RANBP17: variants seen among roughly 807,000 people sequenced by gnomAD.
RANBP17 encodes RAN binding protein 17.
In RANBP17, 158 loss-of-function variants were observed where a neutral mutation model predicts 141.2. The ratio of observed to expected loss-of-function variants is 1.12; its 90% confidence interval spans 0.98 to 1.28. The LOEUF is 1.28. Ranked by LOEUF, RANBP17 falls within the 50% of genes most tolerant of loss-of-function variation. The pLI is 0.00. For synonymous variants in RANBP17, 430 were observed against 450.0 expected (o/e 0.96, Z 0.56); for missense variants, 1,438 against 1,290.7 (o/e 1.11, Z -1.75).
chr5:171,241,991 T>C (rs1355498202), intron 23 of RANBP17, among the ~76,000 whole-genome samples: 3 of 151,890 alleles, frequency 2.0e-5, no homozygotes. Flanking sequence ...TTCTCTTTTT[T>C]TCTTTTTTTT....
intron 13 of RANBP17, among the ~76,000 whole-genome samples, chr5:170,962,459 CAG>C (rs1776222602): frequency 6.6e-6 from 1 of 152,164 alleles, no homozygotes; most frequent in Admixed American, 6.5e-5. Context: ...AAAATCAACA[CAG>C]AACTTGAGTA....
At chr5:171,140,695 A>G (rs1035630792) in intron 14 of RANBP17, among the ~76,000 whole-genome samples, 2 of 152,204 alleles carry the variant, frequency 1.3e-5, no homozygotes, top group African/African-American at 4.8e-5. Flanking sequence ...GGAAACTTTT[A>G]TTGTGGTGGT....
chr5:171,233,318 C>T (rs910131925), intron 22 of RANBP17, among the ~76,000 whole-genome samples: 6 of 152,158 alleles, frequency 3.9e-5, no homozygotes, highest in Non-Finnish European at 7.3e-5. Context: ...TGCAGAATGG[C>T]GCAGCCACTT....
intron 14 of RANBP17, among the ~76,000 whole-genome samples, chr5:171,122,328 C>A (rs1345764558): frequency 6.6e-6 from 1 of 152,178 alleles, no homozygotes; most frequent in African/African-American, 2.4e-5. Flanking sequence ...AGTCAGCTAT[C>A]TTGCTGACAT....
At chr5:171,162,228 A>C (rs1324151423) in intron 14 of RANBP17, among the ~76,000 whole-genome samples, 1 of 152,174 alleles carries the variant, frequency 6.6e-6, no homozygotes, top group Non-Finnish European at 1.5e-5. Context: ...TTGGCCCCAG[A>C]CATGGAGTGA....
At chr5:171,296,186 C>T (rs1413794957) in intron 27 of RANBP17, among the ~76,000 whole-genome samples, 172 bp downstream of exon 27, 1 of 152,112 alleles carries the variant, frequency 6.6e-6, no homozygotes, top group Non-Finnish European at 1.5e-5. Flanking sequence ...TATTTGCTTT[C>T]CTCCAGGCGT....
chr5:171,272,637 C>T (rs1237717887), intron 25 of RANBP17, among the ~76,000 whole-genome samples: 2 of 152,138 alleles, frequency 1.3e-5, no homozygotes, highest in Admixed American at 1.3e-4. Flanking sequence ...TATCTCTGTT[C>T]CTTTGTTTAG....
In RANBP17 at chr5:170,909,756, T is replaced by G. The variant is rs778624427; in HGVS notation, c.585T>G (p.Leu195=). Residue 195 remains leucine (L), a synonymous_variant, in exon 6 of 28, where the codon CTT becomes CTG. Coordinates refer to ENST00000523189, the MANE Select transcript of RANBP17 (RefSeq NM_022897.5). ...LKDVLVLACS[L]LKEVFAKPLN... ...ACGTTTTAGTGCTAGCATGCTCTCT[T>G]TTAAAAGAGGTAAGTTATTTGATAA... is the stretch of plus-strand genomic sequence containing the variant. 6.7e-7 allele frequency: 1 copy of G among 1,485,330 alleles called. No individual in the cohort carries two copies. Among genetic ancestry groups the G allele is most frequent in the Admixed American group, 1.7e-5 (1 of 59,076 alleles). The allele number at this position is 1,485,330 out of a possible 1,614,324, so 92.0% of individuals were successfully genotyped here.
intron 24 of RANBP17, among the ~76,000 whole-genome samples, chr5:171,245,781 C>T (rs1321425593): frequency 6.6e-6 from 1 of 152,098 alleles, no homozygotes; most frequent in Non-Finnish European, 1.5e-5. Flanking sequence ...TTATGAAGTT[C>T]CTCCACAAAT....
chr5:171,218,846 CTT>C (rs1179462980), intron 21 of RANBP17, among the ~76,000 whole-genome samples: 1 of 151,846 alleles, frequency 6.6e-6, no homozygotes, highest in Non-Finnish European at 1.5e-5. Context: ...GGTCTTGACT[CTT>C]TATCCAAGTT....
chr5:171,009,914 A>G (rs1779914484), intron 14 of RANBP17, among the ~76,000 whole-genome samples: 1 of 152,316 alleles, frequency 6.6e-6, no homozygotes, highest in East Asian at 1.9e-4. Flanking sequence ...AAACTGGTTG[A>G]GGTCTACATT....
At position 171,257,844 on chromosome 5, in the gene RANBP17, GC is replaced by G. The variant is rs1766003985; in HGVS notation, c.2777-7835del. ...TAGGAAGCCAGGCACGGTGGCTCAC[GC>G]CTGTAATCCCAGCATTTTGGGAGGC... On this transcript the variant is annotated intron_variant, in intron 24 of 27. Coordinates refer to ENST00000523189, the MANE Select transcript of RANBP17 (RefSeq NM_022897.5). Among the ~76,000 whole-genome samples, 7 of 152,090 alleles carry G rather than the reference GC, an allele frequency of 4.6e-5. No individual in the cohort carries two copies. The South Asian group carries it at 1.5e-3, about 32-fold the overall frequency.
chr5:170,970,514 C>G (rs1261392197), intron 14 of RANBP17: 1 of 152,062 alleles, frequency 6.6e-6, no homozygotes, highest in African/African-American at 2.4e-5. Flanking sequence ...TCTGTGCTCT[C>G]TGTTAATTCC....
At chr5:170,875,344 T>G (rs917719322) in intron 1 of RANBP17, among the ~76,000 whole-genome samples, 1 of 152,204 alleles carries the variant, frequency 6.6e-6, no homozygotes. Flanking sequence ...CTGTATTTCC[T>G]GAATTTGAAT....
chr5:170,981,366 A>G (rs1484302640), intron 14 of RANBP17, among the ~76,000 whole-genome samples: 4 of 152,116 alleles, frequency 2.6e-5, no homozygotes, highest in Admixed American at 2.0e-4. Context: ...CAGGAGTGGA[A>G]TGATAGGGTT....
chr5:171,232,354 G>A (rs893550201), intron 22 of RANBP17, among the ~76,000 whole-genome samples: 2 of 152,112 alleles, frequency 1.3e-5, no homozygotes, highest in Non-Finnish European at 2.9e-5. Flanking sequence ...AGCAACTTAT[G>A]CTGTAAAGTT....
chr5:171,251,856 C>A, intron 24 of RANBP17: 1 of 1,379,784 alleles, frequency 7.2e-7, no homozygotes, highest in Non-Finnish European at 1.0e-6. Context: ...CCATCTGTAC[C>A]ATGAGTGCCA....
intron 14 of RANBP17, among the ~76,000 whole-genome samples, chr5:170,975,507 C>T (rs2127541096): frequency 6.6e-6 from 1 of 152,328 alleles, no homozygotes; most frequent in African/African-American, 2.4e-5. Context: ...GCCTGGGTGA[C>T]AGAGTGAGAC....
intron 5 of RANBP17, among the ~76,000 whole-genome samples, chr5:170,909,269 AT>A (rs1771328511): frequency 6.6e-6 from 1 of 151,814 alleles, no homozygotes. Flanking sequence ...AACTAGAAGA[AT>A]TTTTCTGTGG....
Sources: allele counts gnomAD v4.1 joint callset (sites outside exome capture counted in the v4.1 genomes callset), GRCh38; gene constraint gnomAD v4.1.1; transcripts MANE v1.5; gene names NCBI Gene and HGNC (gene_info 2026-07-23, HGNC 2026-07-21).